Variants in TSHZ2 observed in about 807,000 individuals in gnomAD.
TSHZ2 encodes teashirt zinc finger homeobox 2.
Under a neutral mutation model 74.4 loss-of-function variants are expected in TSHZ2, and 21 were observed. The observed-to-expected ratio is 0.28, with a 90% CI of 0.20 to 0.41. The LOEUF (loss-of-function observed/expected upper bound fraction) is 0.41. TSHZ2 is among the 10% of genes least tolerant of loss of function. TSHZ2 has a pLI of 1.00. For synonymous variants in TSHZ2, 540 were observed against 515.3 expected (o/e 1.05, Z -0.65); for missense variants, 1,244 against 1,293.5 (o/e 0.96, Z 0.59).
intron 1 of TSHZ2, among the ~76,000 whole-genome samples, chr20:53,209,233 A>G (rs1042153682): frequency 6.6e-6 from 1 of 152,114 alleles, no homozygotes; most frequent in Non-Finnish European, 1.5e-5. Context: ...GATTACAGGC[A>G]TGCGCAACCA....
chr20:53,117,927 G>A (rs1222264015), intron 1 of TSHZ2, among the ~76,000 whole-genome samples: 1 of 152,184 alleles, frequency 6.6e-6, no homozygotes, highest in East Asian at 1.9e-4. Context: ...GCACCTGGAT[G>A]TAAAGGATGA....
At chr20:53,181,345 C>T (rs1988462956) in intron 1 of TSHZ2, among the ~76,000 whole-genome samples, 1 of 152,212 alleles carries the variant, frequency 6.6e-6, no homozygotes, top group Non-Finnish European at 1.5e-5. Flanking sequence ...AGAAGAGTGT[C>T]TGGGGTGTAA....
rs1047926962 is a variant in TSHZ2 at position 53,476,088 on chromosome 20, G to C, written c.*9-11056G>C. Among the ~76,000 whole-genome samples the C allele has an allele frequency of 3.9e-4, 55 of 142,572 alleles. 3 individuals are homozygous for C. The highest frequency in any genetic ancestry group is 7.5e-4 in the Non-Finnish European group (49 of 65,768). The allele number at this position is 142,572 out of a possible 152,430, so 93.5% of individuals were successfully genotyped here. A position where few individuals can be genotyped will look rare whatever the true frequency, so the allele number is the denominator to read the frequency against. ...CGAATTCTACCAGAGGTACAAGGAGGAACTGGTACCATTCCTTCTGGAACT... is the reference window on the plus strand; with the variant it reads ...CGAATTCTACCAGAGGTACAAGGAGCAACTGGTACCATTCCTTCTGGAACT... On this transcript the variant is annotated intron_variant, in intron 2 of 2. Coordinates refer to ENST00000371497, the MANE Select transcript of TSHZ2 (RefSeq NM_173485.6).
chr20:53,072,244 T>A (rs1292573160), intron 1 of TSHZ2, among the ~76,000 whole-genome samples: 2 of 152,190 alleles, frequency 1.3e-5, no homozygotes. Flanking sequence ...TCTATGACAT[T>A]AAGGACTTTT....
chr20:53,040,544 C>T (rs998452758), intron 1 of TSHZ2, among the ~76,000 whole-genome samples: 1 of 152,106 alleles, frequency 6.6e-6, no homozygotes, highest in Non-Finnish European at 1.5e-5. Flanking sequence ...TCTCTGAGTG[C>T]AGTTTGCTCC....
chr20:53,482,093 C>CGA (rs1359831730), intron 2 of TSHZ2, among the ~76,000 whole-genome samples: 2 of 105,878 alleles, frequency 1.9e-5, no homozygotes, highest in Non-Finnish European at 3.4e-5. Flanking sequence ...GCAACAAGAG[C>CGA]GAAACTCCAT....
chr20:52,998,112 A>G (rs1982273627), intron 1 of TSHZ2, among the ~76,000 whole-genome samples: 1 of 152,036 alleles, frequency 6.6e-6, no homozygotes, highest in African/African-American at 2.4e-5. Context: ...TGAAATCCTC[A>G]TCATTTCCTT....
intron 1 of TSHZ2, among the ~76,000 whole-genome samples, chr20:53,009,652 G>T (rs564367988): frequency 1.3e-5 from 2 of 152,064 alleles, no homozygotes; most frequent in South Asian, 4.2e-4. Flanking sequence ...AACTTTCAAT[G>T]TTAACTTTTT....
intron 2 of TSHZ2, among the ~76,000 whole-genome samples, chr20:53,345,986 T>C (rs1002321817): frequency 6.6e-6 from 1 of 151,980 alleles, no homozygotes; most frequent in African/African-American, 2.4e-5. Context: ...CTTGCACAAA[T>C]GAGAAGAGCC....
At chr20:53,394,166 G>A (rs576121031) in intron 2 of TSHZ2, among the ~76,000 whole-genome samples, 168 of 152,292 alleles carry the variant, frequency 1.1e-3, no homozygotes, top group African/African-American at 3.9e-3. Context: ...GACCTCTGAG[G>A]TTTAAGGATA....
chr20:53,101,243 C>T (rs376830620), intron 1 of TSHZ2, among the ~76,000 whole-genome samples: 1 of 152,136 alleles, frequency 6.6e-6, no homozygotes, highest in Non-Finnish European at 1.5e-5. Context: ...ATTTTCATAG[C>T]TCTGATCAAC....
chr20:53,363,380 G>T (rs146086185), intron 2 of TSHZ2, among the ~76,000 whole-genome samples: 4 of 152,326 alleles, frequency 2.6e-5, no homozygotes, highest in Admixed American at 6.5e-5. Context: ...GTGTAACAGG[G>T]TTCAAAGCCA....
intron 1 of TSHZ2, among the ~76,000 whole-genome samples, chr20:52,991,168 TA>T (rs1981971899): frequency 6.6e-6 from 1 of 150,422 alleles, no homozygotes; most frequent in African/African-American, 2.5e-5. Flanking sequence ...GTGTGTGTTG[TA>T]GGGGGAGAGA....
chr20:53,194,046 T>C lies in TSHZ2; in HGVS notation c.41-59453T>C, dbSNP rs558024955. Among the ~76,000 whole-genome samples, 26 of 152,342 alleles carry C rather than the reference T, an allele frequency of 1.7e-4. No individual in the cohort carries two copies. In the South Asian group the frequency reaches 4.8e-3, roughly 28 times the overall value. ...TGATGATTCATTTATCTGATTTGAG[T>C]GCTTTCCTGATGGAAAACACAGTCT... On this transcript the variant is annotated intron_variant, in intron 1 of 2. Coordinates refer to ENST00000371497, the MANE Select transcript of TSHZ2 (RefSeq NM_173485.6).
intron 1 of TSHZ2, among the ~76,000 whole-genome samples, chr20:52,980,718 G>A (rs760621739): frequency 1.1e-4 from 16 of 152,174 alleles, no homozygotes; most frequent in African/African-American, 7.2e-5. Context: ...AGAAACTTCC[G>A]TAATGCTTTA....
chr20:53,279,985 T>A (rs180817407), intron 2 of TSHZ2, among the ~76,000 whole-genome samples: 87 of 152,342 alleles, frequency 5.7e-4, no homozygotes, highest in Middle Eastern at 3.4e-3. Flanking sequence ...GTCCCTGGAA[T>A]GCTGTGAGCT....
chr20:53,459,014 C>A (rs1048235088), intron 2 of TSHZ2, among the ~76,000 whole-genome samples: 1 of 151,764 alleles, frequency 6.6e-6, no homozygotes, highest in Non-Finnish European at 1.5e-5. Context: ...AGGTGTGGTG[C>A]GGTGCTGAAA....
At chr20:53,135,332 T>C (rs1285690268) in intron 1 of TSHZ2, among the ~76,000 whole-genome samples, 1 of 152,108 alleles carries the variant, frequency 6.6e-6, no homozygotes. Context: ...CGGTCAACCT[T>C]TGATTTGTTC....
intron 2 of TSHZ2, among the ~76,000 whole-genome samples, chr20:53,291,867 C>G (rs570157202): frequency 1.3e-5 from 2 of 152,230 alleles, no homozygotes. Context: ...ACCTTAATTT[C>G]TGCCTTGAGG....
Sources: allele counts gnomAD v4.1 joint callset (sites outside exome capture counted in the v4.1 genomes callset), GRCh38; gene constraint gnomAD v4.1.1; transcripts MANE v1.5; gene names NCBI Gene and HGNC (gene_info 2026-07-23, HGNC 2026-07-21).